Variants in DMD observed in about 807,000 individuals in gnomAD.
DMD encodes dystrophin, also known as mutant dystrophin.
A neutral mutation model predicts 330.1 loss-of-function variants in DMD; 63 were observed. The observed-to-expected ratio is 0.19, with a 90% CI of 0.16 to 0.24. The LOEUF (loss-of-function observed/expected upper bound fraction) is 0.24, where lower values mean the gene tolerates loss of function less well. Among genes scored for constraint, DMD ranks in the 10% least tolerant of loss-of-function variants. The pLI is 1.00. For missense variants in DMD, 3,344 were observed against 2,684.1 expected (o/e 1.25, Z -5.43); for synonymous variants, 1,223 against 959.8 (o/e 1.27, Z -5.07).
At chrX:33,141,782 T>C (rs2047812468) in intron 1 of DMD, among the ~76,000 whole-genome samples, 1 of 111,359 alleles carries the variant, frequency 9.0e-6, no homozygotes, top group Non-Finnish European at 1.9e-5. Context: ...CTCTCTAGGG[T>C]AGTAAAACAA....
chrX:32,383,683 C>T (rs1157981673), intron 33 of DMD, among the ~76,000 whole-genome samples: 2 of 110,372 alleles, frequency 1.8e-5, no homozygotes, highest in East Asian at 5.7e-4. Flanking sequence ...TTTTATTTTG[C>T]TTTAAGGATA....
intron 18 of DMD, among the ~76,000 whole-genome samples, chrX:32,512,803 T>A (rs1230232079): frequency 8.9e-6 from 1 of 111,862 alleles, no homozygotes; most frequent in African/African-American, 3.3e-5. Flanking sequence ...GGGCTGTCTC[T>A]AAGAGTATGT....
At chrX:33,008,221 C>T (rs1181670156) in intron 2 of DMD, among the ~76,000 whole-genome samples, 2 of 111,300 alleles carry the variant, frequency 1.8e-5, no homozygotes, top group African/African-American at 6.5e-5. Flanking sequence ...ATAAGCAAAG[C>T]CCTTTTAAAA....
intron 1 of DMD, among the ~76,000 whole-genome samples, chrX:33,115,778 G>A (rs2095379125): frequency 9.1e-6 from 1 of 110,162 alleles, no homozygotes; most frequent in African/African-American, 3.3e-5. Context: ...CAAAGTGCTG[G>A]GATTACAGGC....
intron 7 of DMD, among the ~76,000 whole-genome samples, chrX:32,788,677 C>A (rs2075594119): frequency 9.0e-6 from 1 of 111,291 alleles, no homozygotes; most frequent in African/African-American, 3.3e-5. Flanking sequence ...GCAAAACTAA[C>A]CCTGGATAAA....
chrX:32,642,028 A>C (rs2059499281), intron 11 of DMD, among the ~76,000 whole-genome samples: 2 of 105,526 alleles, frequency 1.9e-5, no homozygotes, highest in Non-Finnish European at 3.8e-5. Context: ...TAATGACAAT[A>C]CCCTCTTTTC....
At chrX:33,098,025 G>A (rs1480891514) in intron 1 of DMD, among the ~76,000 whole-genome samples, 1 of 111,505 alleles carries the variant, frequency 9.0e-6, no homozygotes, top group Admixed American at 9.6e-5. Context: ...AGCACTATCT[G>A]AGCAATATAA....
intron 41 of DMD, among the ~76,000 whole-genome samples, chrX:32,341,713 A>C (rs2097743960): frequency 8.9e-6 from 1 of 111,861 alleles, no homozygotes; most frequent in Non-Finnish European, 1.9e-5. Flanking sequence ...TGTATACATT[A>C]AGAAAGTAAA....
chrX:33,127,898 TCC>T (rs1467120216), intron 1 of DMD, among the ~76,000 whole-genome samples: 2 of 111,674 alleles, frequency 1.8e-5, no homozygotes, highest in Non-Finnish European at 3.8e-5. Context: ...GAATATGGGT[TCC>T]TTCTTATTTC....
chrX:33,001,436 C>T (rs1569548194), intron 2 of DMD, among the ~76,000 whole-genome samples: 1 of 111,761 alleles, frequency 8.9e-6, no homozygotes, highest in Non-Finnish European at 1.9e-5. Context: ...ACTATATGTA[C>T]TTCCTGTTGA....
Position 32,155,973 on chromosome X carries a change from AACACACACACACAC to A in DMD, c.6438+60929_6438+60942del, listed in dbSNP as rs60347530. 8.4e-3 allele frequency among the ~76,000 whole-genome samples: 805 copies of A among 95,746 alleles called. 2 individuals carry two copies. The highest frequency in any genetic ancestry group is 0.017 in the African/African-American group (443 of 25,342). 83.1% of individuals were successfully genotyped at this position (95,746 alleles called of 115,157 possible). On this transcript the variant is annotated intron_variant, in intron 44 of 78. Transcript: ENST00000357033. ...GTGTGTGTGTATCCTTTTGTCATTC[AACACACACACACAC>A]ACACACACACACACACACACACACA...
chrX:32,816,806 TAGG>T (rs2077800632), intron 5 of DMD, among the ~76,000 whole-genome samples, 166 bp from the exon 6 acceptor site: 1 of 111,858 alleles, frequency 8.9e-6, no homozygotes, highest in Non-Finnish European at 1.9e-5. Context: ...TCTCAAAGGC[TAGG>T]AGTCTATTCT....
At chrX:32,273,570 C>T (rs1258723886) in intron 43 of DMD, among the ~76,000 whole-genome samples, 2 of 110,074 alleles carry the variant, frequency 1.8e-5, no homozygotes, top group Non-Finnish European at 3.8e-5. Context: ...CCCAGCCCCA[C>T]TTGCAGCTTA....
intron 74 of DMD, among the ~76,000 whole-genome samples, chrX:31,153,841 A>T (rs1427907489): frequency 8.9e-6 from 1 of 112,397 alleles, no homozygotes; most frequent in East Asian, 2.8e-4. Context: ...CTGAGATAGG[A>T]CAAGCTGTCA....
chrX:33,104,752 A>G (rs759472049), intron 1 of DMD, among the ~76,000 whole-genome samples: 1 of 112,248 alleles, frequency 8.9e-6, no homozygotes, highest in Non-Finnish European at 1.9e-5. Flanking sequence ...ACGCCCAAGT[A>G]AGAAAAGTGA....
At chrX:31,699,154 C>T (rs2083634727) in intron 52 of DMD, among the ~76,000 whole-genome samples, 1 of 111,829 alleles carries the variant, frequency 8.9e-6, no homozygotes, top group African/African-American at 3.2e-5. Context: ...ATTATAGGGG[C>T]GTAAATAGGC....
Position 31,657,953 on chromosome X carries a change from C to G in DMD, c.8027+37G>C, listed in dbSNP as rs181262803. 7 of 1,186,648 alleles carry G rather than the reference C, an allele frequency of 5.9e-6. No homozygotes were observed. The Admixed American group carries it at 8.8e-5, about 15-fold the overall frequency. On this transcript the variant is annotated intron_variant, in intron 54 of 78. Coordinates refer to ENST00000357033, the MANE Select transcript of DMD (RefSeq NM_004006.3). ...ATCCAGTTTCACCACCCCATTATTA[C>G]AGCCAACAGTAGTTTTAGAAATAAT...
At chrX:32,807,122 T>A (rs867506663) in intron 7 of DMD, among the ~76,000 whole-genome samples, 549 of 20,517 alleles carry the variant, frequency 0.027, 2 homozygotes, top group Non-Finnish European at 0.037. Context: ...CGGAAACATT[T>A]AAAAAAAAAA....
chrX:32,406,135 G>C lies in DMD; in HGVS notation c.4233+5617C>G, dbSNP rs750389513. On this transcript the variant is annotated intron_variant, in intron 30 of 78. Coordinates refer to ENST00000357033, the MANE Select transcript of DMD (RefSeq NM_004006.3). The stretch of plus-strand genomic sequence containing the variant: ...GAGACTTTGCTGAAGTTGCTTATCA[G>C]CTTAAGGAGATTTTGGGCTGAGACA... Among the ~76,000 whole-genome samples the C allele has an allele frequency of 9.8e-5, 11 of 111,756 alleles. No individual in the cohort carries two copies. In the East Asian group the frequency reaches 3.1e-3, roughly 32 times the overall value.
Sources: allele counts gnomAD v4.1 joint callset (sites outside exome capture counted in the v4.1 genomes callset), GRCh38; gene constraint gnomAD v4.1.1; transcripts MANE v1.5; gene names NCBI Gene and HGNC (gene_info 2026-07-23, HGNC 2026-07-21).